CNBD1: variants seen among roughly 807,000 people sequenced by gnomAD.
CNBD1 encodes cyclic nucleotide binding domain containing 1.
A neutral mutation model predicts 54.4 loss-of-function variants in CNBD1; 71 were observed. The ratio of observed to expected loss-of-function variants is 1.30; its 90% confidence interval spans 1.08 to 1.59. The LOEUF is 1.59. Among genes scored for constraint, CNBD1 ranks in the 40% most tolerant of loss-of-function variants. The probability of loss-of-function intolerance (pLI) is 0.00; values close to 1 mark genes in which losing one functional copy is unlikely to be tolerated. For missense variants in CNBD1, 659 were observed against 518.0 expected, an observed-to-expected ratio of 1.27 and a Z score of -2.64; for synonymous variants, 182 against 170.7, an observed-to-expected ratio of 1.07 and a Z score of -0.51.
chr8:87,011,098 G>A (rs1419826355), intron 4 of CNBD1, among the ~76,000 whole-genome samples: 1 of 151,868 alleles, frequency 6.6e-6, no homozygotes, highest in Non-Finnish European at 1.5e-5. Context: ...GCCTTTCTAG[G>A]GTCTTGCTCT....
intron 5 of CNBD1, among the ~76,000 whole-genome samples, chr8:87,230,528 A>G (rs1174485844): frequency 6.6e-6 from 1 of 151,974 alleles, no homozygotes; most frequent in Non-Finnish European, 1.5e-5. Flanking sequence ...ATGTTAGAAC[A>G]CATTTGAAAA....
chr8:87,306,733 T>C (rs538979361), intron 8 of CNBD1, among the ~76,000 whole-genome samples: 2 of 150,864 alleles, frequency 1.3e-5, no homozygotes, highest in Non-Finnish European at 2.9e-5. Flanking sequence ...GGCATAAGAA[T>C]GACACAATGG....
chr8:86,868,499 A>G (rs1263385865), intron 1 of CNBD1, among the ~76,000 whole-genome samples: 2 of 151,736 alleles, frequency 1.3e-5, no homozygotes, highest in African/African-American at 4.8e-5. Context: ...TGCCTGGCTA[A>G]TTTTTGTATT....
chr8:87,194,093 A>G (rs1443466608), intron 4 of CNBD1, among the ~76,000 whole-genome samples: 2 of 152,152 alleles, frequency 1.3e-5, no homozygotes, highest in East Asian at 1.9e-4. Context: ...AACTGCTTAC[A>G]TAAGGGATCT....
rs557130955 is a variant in CNBD1, at chr8:87,327,578, A to C, written c.1043-24107A>C. ...AGTGACCCGATTTTCCAGGTGCGTC[A>C]GTCACCCCTTTTTTGACTCAGAAAG... On this transcript the variant is annotated intron_variant, in intron 8 of 10. Transcript: ENST00000518476. 4.3e-3 allele frequency among the ~76,000 whole-genome samples: 654 copies of C among 152,224 alleles called. 7 individuals are homozygous for C. Among genetic ancestry groups the C allele is most frequent in the African/African-American group, 0.015 (624 of 41,556 alleles).
intron 9 of CNBD1, among the ~76,000 whole-genome samples, chr8:87,352,502 A>G (rs1287137350): frequency 7.0e-6 from 1 of 141,928 alleles, no homozygotes; most frequent in African/African-American, 2.7e-5. Context: ...AAAAACTTAT[A>G]TGAATTCTTA....
chr8:87,372,103 C>T (rs146960328), intron 10 of CNBD1, among the ~76,000 whole-genome samples: 1 of 151,948 alleles, frequency 6.6e-6, no homozygotes, highest in African/African-American at 2.4e-5. Flanking sequence ...TGTCTCAGCC[C>T]AAAATCTTCT....
rs56785226 is a variant in CNBD1 at position 86,878,105 on chromosome 8, T to TGTGTGTGAGAGA, written c.89-9436_89-9435insTGTGTGAGAGAG. 4.3e-5 allele frequency among the ~76,000 whole-genome samples: 6 copies of TGTGTGTGAGAGA among 140,970 alleles called. No homozygotes were observed. The South Asian group carries it at 9.7e-4, about 23-fold the overall frequency. The allele number at this position is 140,970 out of a possible 152,430, so 92.5% of individuals were successfully genotyped here. On this transcript the variant is annotated intron_variant, in intron 1 of 10. Transcript: ENST00000518476. ...CTGTGTGTGTGTGTGTGTGTGTGTG[T>TGTGTGTGAGAGA]GAGAGAGAGAGAGAGAGAGAGAGAG... is the stretch of plus-strand genomic sequence containing the variant.
intron 10 of CNBD1, among the ~76,000 whole-genome samples, chr8:87,377,919 T>G (rs1190749886): frequency 2.7e-5 from 4 of 150,132 alleles, no homozygotes; most frequent in Non-Finnish European, 3.0e-5. Context: ...ATGAGCATTT[T>G]TTCATGTGTT....
chr8:87,421,512 G>A (rs1807937105), intron 2 of CNBD1, among the ~76,000 whole-genome samples: 1 of 147,336 alleles, frequency 6.8e-6, no homozygotes, highest in South Asian at 2.1e-4. Context: ...ACCTATGAGT[G>A]AGAATATGCA....
At chr8:86,904,605 G>A (rs1808988515) in intron 2 of CNBD1, among the ~76,000 whole-genome samples, 1 of 152,066 alleles carries the variant, frequency 6.6e-6, no homozygotes, top group South Asian at 2.1e-4. Flanking sequence ...GGTAATTTCA[G>A]TGATCTGAAT....
At chr8:87,378,029 G>A (rs1179184107) in intron 10 of CNBD1, among the ~76,000 whole-genome samples, 1 of 137,340 alleles carries the variant, frequency 7.3e-6, no homozygotes, top group Non-Finnish European at 1.6e-5. Flanking sequence ...ATTTGTTTGA[G>A]TTCATTGTAG....
chr8:87,275,223 G>C (rs908634501), intron 6 of CNBD1, among the ~76,000 whole-genome samples: 2 of 141,650 alleles, frequency 1.4e-5, no homozygotes, highest in Admixed American at 1.4e-4. Context: ...CTCCAGCTTT[G>C]TTCTTTTGGC....
chr8:86,996,602 T>C (rs1329009711), intron 4 of CNBD1, among the ~76,000 whole-genome samples: 3 of 152,198 alleles, frequency 2.0e-5, no homozygotes, highest in African/African-American at 7.2e-5. Context: ...ATCGACATAT[T>C]TTTTACCTTT....
At chr8:87,045,955 C>G (rs1810178668) in intron 4 of CNBD1, among the ~76,000 whole-genome samples, 1 of 145,960 alleles carries the variant, frequency 6.9e-6, no homozygotes, top group African/African-American at 2.5e-5. Context: ...GCAGGGGAAT[C>G]GCTTGAATCT....
intron 4 of CNBD1, among the ~76,000 whole-genome samples, chr8:87,005,943 G>A (rs57007162): frequency 0.023 from 3,522 of 152,248 alleles, 138 homozygotes; most frequent in African/African-American, 0.078. Flanking sequence ...AACTGAAAGA[G>A]GCTGGGAGAA....
At chr8:87,269,325 C>A (rs1808319723) in intron 6 of CNBD1, among the ~76,000 whole-genome samples, 1 of 151,968 alleles carries the variant, frequency 6.6e-6, no homozygotes, top group African/African-American at 2.4e-5. Context: ...TTACTATAGC[C>A]TTATAGTATA....
At chr8:87,004,316 T>C (rs1809051720) in intron 4 of CNBD1, among the ~76,000 whole-genome samples, 1 of 152,128 alleles carries the variant, frequency 6.6e-6, no homozygotes, top group South Asian at 2.1e-4. Flanking sequence ...CACTCAAAGT[T>C]ATAGTTTGTT....
intron 1 of CNBD1, among the ~76,000 whole-genome samples, chr8:86,883,370 G>T (rs919512576): frequency 9.9e-5 from 15 of 152,130 alleles, no homozygotes; most frequent in Non-Finnish European, 2.2e-4. Context: ...GTGGAGCACT[G>T]GTTAGAGATC....
Sources: gnomAD v4.1 joint callset for allele counts (sites outside exome capture counted in the v4.1 genomes callset) on GRCh38, gnomAD v4.1.1 for gene constraint, MANE v1.5 for transcripts, NCBI Gene and HGNC (gene_info 2026-07-23, HGNC 2026-07-21) for gene names.